PCDHA11: variants seen among roughly 807,000 people sequenced by gnomAD.
PCDHA11 encodes protocadherin alpha 11.
In PCDHA11, 61 loss-of-function variants were observed where a neutral mutation model predicts 70.3. The ratio of observed to expected loss-of-function variants is 0.87; its 90% confidence interval spans 0.71 to 1.07. The LOEUF (loss-of-function observed/expected upper bound fraction) is 1.07. Among genes scored for constraint, PCDHA11 ranks in the 50% least tolerant of loss-of-function variants. The pLI is 0.00. For synonymous variants in PCDHA11, 633 were observed against 555.1 expected, an observed-to-expected ratio of 1.14 and a Z score of -1.97; for missense variants, 1,324 against 1,237.5, an observed-to-expected ratio of 1.07 and a Z score of -1.05.
At position 140,875,233 on chromosome 5, in the gene PCDHA11, G is replaced by A. The variant is rs1379502066; in HGVS notation, c.2391+3739G>A. Reference sequence around the variant, plus strand: ...CGAAAAGAACCTCAGGATCTTTCTTGTACTTACATAATCAGTCACATGATG... The same window carrying A: ...CGAAAAGAACCTCAGGATCTTTCTTATACTTACATAATCAGTCACATGATG... On this transcript the variant is annotated intron_variant, in intron 1 of 3. Coordinates refer to ENST00000398640, the MANE Select transcript of PCDHA11 (RefSeq NM_018902.5). The A allele has an allele frequency of 3.5e-6, 3 of 863,762 alleles. No individual in the cohort carries two copies. The African/African-American group carries it at 5.1e-5, about 15-fold the overall frequency. The allele number at this position is 863,762 out of a possible 1,614,324, so 53.5% of individuals were successfully genotyped here. A position where few individuals can be genotyped will look rare whatever the true frequency, so the allele number is the denominator to read the frequency against.
chr5:140,917,633 A>T (rs537704186), intron 1 of PCDHA11, among the ~76,000 whole-genome samples: 1 of 152,268 alleles, frequency 6.6e-6, no homozygotes, highest in East Asian at 1.9e-4. Context: ...ATGGTTAGCT[A>T]GTTATCCCAG....
intron 1 of PCDHA11, among the ~76,000 whole-genome samples, chr5:140,895,640 T>G (rs1554186577): frequency 6.6e-6 from 1 of 152,220 alleles, no homozygotes; most frequent in Non-Finnish European, 1.5e-5. Flanking sequence ...ACATTCTTTT[T>G]TAGCTCCCAC....
chr5:140,966,017 G>A (rs946123044), intron 1 of PCDHA11, among the ~76,000 whole-genome samples: 1 of 152,144 alleles, frequency 6.6e-6, no homozygotes, highest in Non-Finnish European at 1.5e-5. Flanking sequence ...GGGAAGATGT[G>A]GGAGTCAGGT....
chr5:140,954,161 C>G (rs2094990748), intron 1 of PCDHA11, among the ~76,000 whole-genome samples: 1 of 152,200 alleles, frequency 6.6e-6, no homozygotes, highest in African/African-American at 2.4e-5. Context: ...ATATGTACCA[C>G]ATTTTCTTTA....
intron 1 of PCDHA11, among the ~76,000 whole-genome samples, chr5:140,901,034 T>C (rs573919271): frequency 6.6e-6 from 1 of 152,240 alleles, no homozygotes; most frequent in Non-Finnish European, 1.5e-5. Context: ...TCAACTCTTT[T>C]GCCCATTTTA....
In PCDHA11 at chr5:140,870,139, T is replaced by C; in HGVS notation, c.1036T>C (p.Ser346Pro). The C allele has an allele frequency of 6.2e-7, 1 of 1,613,992 alleles. No individual in the cohort carries two copies. The highest frequency in any genetic ancestry group is 8.5e-7 in the Non-Finnish European group (1 of 1,179,964). ...GGAAATCTTGGACACCAACGATAAC[T>C]CTCCTGAAGTCGCCGTGACTTCCTT... Reference protein sequence around the residue: ...WVEILDTNDNSPEVAVTSLSL... With the variant: ...WVEILDTNDNPPEVAVTSLSL... Residue 346 changes from serine to proline, a missense_variant, in exon 1 of 4, where the codon TCT becomes CCT. Physicochemically the swap from Ser to Pro is moderately conservative, Grantham distance 74. Transcript: ENST00000398640.
chr5:140,910,845 G>T (rs1448971238), intron 1 of PCDHA11, among the ~76,000 whole-genome samples: 1 of 152,090 alleles, frequency 6.6e-6, no homozygotes, highest in Admixed American at 6.5e-5. Flanking sequence ...CAATGCCTTG[G>T]ATCTATGTTC....
chr5:140,905,957 G>A (rs993962295), intron 1 of PCDHA11, among the ~76,000 whole-genome samples: 1 of 152,200 alleles, frequency 6.6e-6, no homozygotes, highest in South Asian at 2.1e-4. Context: ...CGATGTTCAA[G>A]GGGAGGAAGA....
chr5:140,932,920 A>G (rs1397195310), intron 1 of PCDHA11, among the ~76,000 whole-genome samples: 3 of 152,034 alleles, frequency 2.0e-5, no homozygotes, highest in Non-Finnish European at 4.4e-5. Flanking sequence ...CAACAACTAA[A>G]TTAACTTAGC....
chr5:140,970,647 T>C lies in PCDHA11; in HGVS notation c.2392-8302T>C, dbSNP rs529255517. Among the ~76,000 whole-genome samples, 9 of 152,352 alleles carry C rather than the reference T, an allele frequency of 5.9e-5. No homozygotes were observed. The South Asian group carries it at 1.9e-3, about 32-fold the overall frequency. On this transcript the variant is annotated intron_variant, in intron 1 of 3. Coordinates refer to ENST00000398640, the MANE Select transcript of PCDHA11 (RefSeq NM_018902.5). ...CAAAATTTTGTACCATAAATAGTGA[T>C]GAATTGTTATCTTTCCAAATAACTA...
chr5:140,887,711 T>C (rs1486449046), intron 1 of PCDHA11, among the ~76,000 whole-genome samples: 1 of 152,198 alleles, frequency 6.6e-6, no homozygotes, highest in African/African-American at 2.4e-5. Context: ...ATACTTCTTC[T>C]AATAGTTTTT....
At chr5:140,965,402 G>A (rs1554227671) in intron 1 of PCDHA11, among the ~76,000 whole-genome samples, 1 of 152,112 alleles carries the variant, frequency 6.6e-6, no homozygotes, top group Non-Finnish European at 1.5e-5. Context: ...AGTCTAAGGA[G>A]TCTTATATTT....
intron 1 of PCDHA11, among the ~76,000 whole-genome samples, chr5:140,922,507 C>G (rs2080870221): frequency 1.3e-5 from 2 of 152,154 alleles, no homozygotes; most frequent in Non-Finnish European, 2.9e-5. Flanking sequence ...AGCAGATGCA[C>G]CATTATTTCA....
chr5:140,959,622 A>T (rs1489618654), intron 1 of PCDHA11, among the ~76,000 whole-genome samples: 1 of 152,194 alleles, frequency 6.6e-6, no homozygotes, highest in Admixed American at 6.5e-5. Flanking sequence ...TTGTGATAGA[A>T]AAAAAGAGAG....
intron 1 of PCDHA11, chr5:140,927,285 G>T: frequency 1.9e-6 from 3 of 1,614,154 alleles, no homozygotes; most frequent in Non-Finnish European, 2.5e-6. Context: ...ACGTGCAGCT[G>T]CACATCCCCG....
chr5:140,877,719 T>G (rs782112072), intron 1 of PCDHA11: 2 of 1,614,102 alleles, frequency 1.2e-6, no homozygotes, highest in South Asian at 1.1e-5. Context: ...GGAGTTGGTC[T>G]TACTCGCAGC....
Position 140,978,951 on chromosome 5 carries a change from A to G in PCDHA11, c.2394A>G (p.Pro798=). Residue 798 remains proline, a splice_region_variant and synonymous_variant, in exon 2 of 4, where the codon CCA becomes CCG. Coordinates refer to ENST00000398640, the MANE Select transcript of PCDHA11 (RefSeq NM_018902.5). ...QEPGSNHPGQ[P]RQPNPDWRYS... ...AAACTCTCTTTGTGATTTTGCAGCC[A>G]CGACAGCCCAACCCTGACTGGCGTT... is the stretch of plus-strand genomic sequence containing the variant. 1.2e-6 allele frequency: 2 copies of G among 1,614,182 alleles called. No homozygotes were observed. The highest frequency in any genetic ancestry group is 1.7e-6 in the Non-Finnish European group (2 of 1,180,032).
chr5:140,965,834 G>T (rs1018708290), intron 1 of PCDHA11, among the ~76,000 whole-genome samples: 1 of 152,128 alleles, frequency 6.6e-6, no homozygotes, highest in Admixed American at 6.5e-5. Context: ...TTAAATATTG[G>T]TTATTTGCCA....
intron 3 of PCDHA11, among the ~76,000 whole-genome samples, chr5:140,986,070 A>G (rs1554247713): frequency 6.6e-6 from 1 of 152,126 alleles, no homozygotes; most frequent in African/African-American, 2.4e-5. Flanking sequence ...TTTTAAAGAA[A>G]CTGTTCATTT....
Sources: gnomAD v4.1 joint callset for allele counts (sites outside exome capture counted in the v4.1 genomes callset) on GRCh38, gnomAD v4.1.1 for gene constraint, MANE v1.5 for transcripts, NCBI Gene and HGNC (gene_info 2026-07-23, HGNC 2026-07-21) for gene names.